RSPO3: variants seen among roughly 807,000 people sequenced by gnomAD.
RSPO3 encodes the protein R-spondin-3.
Under a neutral mutation model 36.5 loss-of-function variants are expected in RSPO3, and 17 were observed. The observed-to-expected ratio is 0.47, with a 90% CI of 0.32 to 0.70. The LOEUF is 0.70. Among genes scored for constraint, RSPO3 ranks in the 30% least tolerant of loss-of-function variants. RSPO3 has a pLI of 0.04. For missense variants in RSPO3, 294 were observed against 322.5 expected (o/e 0.91, Z 0.68); for synonymous variants, 108 against 107.0 (o/e 1.01, Z -0.06).
intron 4 of RSPO3, among the ~76,000 whole-genome samples, chr6:127,162,539 G>A (rs184706752): frequency 1.3e-5 from 2 of 152,176 alleles, no homozygotes; most frequent in African/African-American, 4.8e-5. Context: ...GGGCAGAACA[G>A]GAAGAATAAA....
At position 127,196,604 on chromosome 6, in the gene RSPO3, T is replaced by C. The variant is rs759045942; in HGVS notation, c.*597T>C. 2.0e-5 allele frequency: 3 copies of C among 152,192 alleles called. No individual in the cohort carries two copies. The highest frequency in any genetic ancestry group is 4.8e-5 in the African/African-American group (2 of 41,442). The allele number at this position is 152,192 out of a possible 1,614,324, so 9.4% of individuals were successfully genotyped here. A position where few individuals can be genotyped will look rare whatever the true frequency, so the allele number is the denominator to read the frequency against. ...AGAAACACAAGAGTGCATACCAGAATTGAATATACCATATGGGATTGGAGA... is the reference window on the plus strand; with the variant it reads ...AGAAACACAAGAGTGCATACCAGAACTGAATATACCATATGGGATTGGAGA... On this transcript the variant is annotated 3_prime_UTR_variant, in exon 5 of 5. Transcript: ENST00000356698.
intron 1 of RSPO3, among the ~76,000 whole-genome samples, chr6:127,143,335 C>T: frequency 6.6e-6 from 1 of 151,980 alleles, no homozygotes; most frequent in Admixed American, 6.6e-5. Flanking sequence ...AAAGAGAAGG[C>T]ATGGAAGAAA....
intron 4 of RSPO3, among the ~76,000 whole-genome samples, chr6:127,179,536 C>T (rs936441029): frequency 2.6e-5 from 4 of 151,844 alleles, no homozygotes; most frequent in African/African-American, 9.7e-5. Context: ...GTCTTTAAAA[C>T]TGTTTTGGAC....
Position 127,119,186 on chromosome 6 carries a change from G to C in RSPO3, c.-7G>C, listed in dbSNP as rs1336026930. The C allele has an allele frequency of 6.3e-7, 1 of 1,596,110 alleles. No homozygotes were observed. The highest frequency in any genetic ancestry group is 8.6e-7 in the Non-Finnish European group (1 of 1,163,976). ...GGAGAAAGGAAGGGAAGCATTACTG[G>C]GTTACTATGCACTTGCGACTGATTT... On this transcript the variant is annotated 5_prime_UTR_variant, in exon 1 of 5. Transcript: ENST00000356698.
rs954132278 is a variant in RSPO3, at chr6:127,195,783, A to G, written c.635-40A>G. 9 of 1,330,514 alleles carry G rather than the reference A, an allele frequency of 6.8e-6. No individual in the cohort carries two copies. In the East Asian group the frequency reaches 2.3e-4, roughly 34 times the overall value. The allele number at this position is 1,330,514 out of a possible 1,614,324, so 82.4% of individuals were successfully genotyped here. A position where few individuals can be genotyped will look rare whatever the true frequency, so the allele number is the denominator to read the frequency against. On this transcript the variant is annotated intron_variant, in intron 4 of 4. Coordinates refer to ENST00000356698, the MANE Select transcript of RSPO3 (RefSeq NM_032784.5). ...AAAATGTAATTAAAAAATAGAACAT[A>G]ATTGAATGTAATTTTTAAAAGAGTA...
At chr6:127,137,828 G>A (rs902764617) in intron 1 of RSPO3, among the ~76,000 whole-genome samples, 25 of 151,890 alleles carry the variant, frequency 1.6e-4, no homozygotes, top group East Asian at 5.8e-4. Context: ...TTTAATTTGC[G>A]GCAAAAAGTT....
At chr6:127,144,958 C>CTGAT (rs991374408) in intron 1 of RSPO3, among the ~76,000 whole-genome samples, 8 of 152,020 alleles carry the variant, frequency 5.3e-5, no homozygotes, top group African/African-American at 1.9e-4. Context: ...AAGTAGCCAC[C>CTGAT]ATCAGAGACT....
chr6:127,144,971 T>C (rs946941243), intron 1 of RSPO3, among the ~76,000 whole-genome samples: 1 of 152,106 alleles, frequency 6.6e-6, no homozygotes, highest in African/African-American at 2.4e-5. Context: ...CAGAGACTCA[T>C]GTGTGCATCT....
At chr6:127,149,929 C>A (rs1265796196) in intron 2 of RSPO3, among the ~76,000 whole-genome samples, 2 of 151,992 alleles carry the variant, frequency 1.3e-5, no homozygotes, top group Non-Finnish European at 2.9e-5. Context: ...TGTATCTCCT[C>A]TCCTAGGATG....
intron 1 of RSPO3, among the ~76,000 whole-genome samples, chr6:127,136,037 G>T (rs931523062): frequency 2.6e-5 from 4 of 151,978 alleles, no homozygotes; most frequent in African/African-American, 9.7e-5. Flanking sequence ...TACTGAAGAA[G>T]ATAAAGAGAG....
chr6:127,173,860 T>C (rs529785216), intron 4 of RSPO3, among the ~76,000 whole-genome samples: 14 of 152,024 alleles, frequency 9.2e-5, no homozygotes, highest in Admixed American at 9.2e-4. Context: ...TAGGGAATGG[T>C]ACAGAATTTC....
chr6:127,173,963 C>A (rs118068855), intron 4 of RSPO3, among the ~76,000 whole-genome samples: 550 of 151,984 alleles, frequency 3.6e-3, no homozygotes, highest in Non-Finnish European at 6.5e-3. Flanking sequence ...GTACAGCGTG[C>A]TCATTCGTGT....
intron 4 of RSPO3, among the ~76,000 whole-genome samples, chr6:127,156,745 T>C (rs907443975): frequency 3.3e-5 from 5 of 152,040 alleles, no homozygotes; most frequent in African/African-American, 7.2e-5. Context: ...CAGTGAAAGG[T>C]TGAGATGTTT....
chr6:127,163,460 C>A (rs1049258453), intron 4 of RSPO3, among the ~76,000 whole-genome samples: 3 of 152,076 alleles, frequency 2.0e-5, no homozygotes, highest in African/African-American at 7.2e-5. Flanking sequence ...ATGCCTTATC[C>A]TTGGGCCTCT....
intron 4 of RSPO3, among the ~76,000 whole-genome samples, chr6:127,166,419 C>T (rs1311205329): frequency 2.0e-5 from 3 of 152,008 alleles, no homozygotes; most frequent in African/African-American, 7.2e-5. Flanking sequence ...GAATTTAGAG[C>T]ACAGGCTTTG....
In RSPO3 at chr6:127,147,488, G is replaced by A. The variant is rs1398766153; in HGVS notation, c.98-1160G>A. 2.0e-5 allele frequency among the ~76,000 whole-genome samples: 3 copies of A among 151,788 alleles called. No individual in the cohort carries two copies. The East Asian group carries it at 5.8e-4, about 29-fold the overall frequency. On this transcript the variant is annotated intron_variant, in intron 1 of 4. Coordinates refer to ENST00000356698, the MANE Select transcript of RSPO3 (RefSeq NM_032784.5). ...TTTTTTTTCTTCTGGCATCTTCAAA[G>A]GACAATAAAGCTATTAGCAATATAT... is the stretch of plus-strand genomic sequence containing the variant.
chr6:127,121,256 C>T (rs753908452), intron 1 of RSPO3, among the ~76,000 whole-genome samples: 3 of 152,200 alleles, frequency 2.0e-5, no homozygotes, highest in Non-Finnish European at 4.4e-5. Context: ...TGCCCACCTC[C>T]CCCAGCGAGG....
At chr6:127,129,277 T>C (rs542020947) in intron 1 of RSPO3, among the ~76,000 whole-genome samples, 2 of 152,108 alleles carry the variant, frequency 1.3e-5, no homozygotes, top group African/African-American at 4.8e-5. Flanking sequence ...CTTTGGGTAG[T>C]TATCTCCATT....
At chr6:127,170,645 T>C (rs1774917377) in intron 4 of RSPO3, among the ~76,000 whole-genome samples, 2 of 151,732 alleles carry the variant, frequency 1.3e-5, no homozygotes, top group South Asian at 4.1e-4. Flanking sequence ...CATTGATGGA[T>C]GAATAGATTA....
Sources: allele counts gnomAD v4.1 joint callset (sites outside exome capture counted in the v4.1 genomes callset), GRCh38; gene constraint gnomAD v4.1.1; transcripts MANE v1.5; gene names NCBI Gene and HGNC (gene_info 2026-07-23, HGNC 2026-07-21).